Variants in ARHGAP35 observed in about 807,000 individuals in gnomAD.
The protein encoded by ARHGAP35 is rho GTPase-activating protein 35.
In ARHGAP35, 15 loss-of-function variants were observed where a neutral mutation model predicts 111.1. That is an observed-to-expected ratio of 0.13 (90% confidence interval 0.09 to 0.21). The LOEUF is 0.21. Ranked by LOEUF, ARHGAP35 falls within the 10% of genes least tolerant of loss-of-function variation. The probability of loss-of-function intolerance (pLI) is 1.00; values close to 1 mark genes in which losing one functional copy is unlikely to be tolerated. For missense variants in ARHGAP35, 1,262 were observed against 1,873.0 expected (o/e 0.67, Z 6.02); for synonymous variants, 643 against 710.3 (o/e 0.91, Z 1.51).
chr19:46,889,953 C>T (rs1599801203), intron 1 of ARHGAP35, among the ~76,000 whole-genome samples: 1 of 152,002 alleles, frequency 6.6e-6, no homozygotes, highest in African/African-American at 2.4e-5. Flanking sequence ...TTCTGTAGAC[C>T]CTTAAGGGGT....
At chr19:46,873,144 C>A (rs1198750035) in intron 1 of ARHGAP35, among the ~76,000 whole-genome samples, 2 of 152,060 alleles carry the variant, frequency 1.3e-5, no homozygotes, top group Non-Finnish European at 2.9e-5. Context: ...TTACAGTTTC[C>A]AGAGTGCTTT....
chr19:46,979,976 C>T (rs988712555), intron 3 of ARHGAP35, among the ~76,000 whole-genome samples: 1 of 152,118 alleles, frequency 6.6e-6, no homozygotes, highest in East Asian at 1.9e-4. Flanking sequence ...TGCGGGGACT[C>T]GTGTGATTTC....
At chr19:46,980,428 T>A (rs932562617) in intron 3 of ARHGAP35, among the ~76,000 whole-genome samples, 5 of 152,154 alleles carry the variant, frequency 3.3e-5, no homozygotes, top group African/African-American at 1.2e-4. Flanking sequence ...GACAGACTCA[T>A]TAATGATGTC....
intron 1 of ARHGAP35, among the ~76,000 whole-genome samples, chr19:46,883,883 C>T (rs943538200): frequency 2.0e-5 from 3 of 151,844 alleles, no homozygotes; most frequent in Non-Finnish European, 2.9e-5. Context: ...GGTGAAACCC[C>T]ATCTCTACTA....
rs552268199 is a variant in ARHGAP35, at chr19:46,905,112, G to C, written c.-188-13376G>C. Among the ~76,000 whole-genome samples the C allele has an allele frequency of 4.6e-5, 7 of 152,312 alleles. No homozygotes were observed. In the South Asian group the frequency reaches 1.2e-3, roughly 27 times the overall value. On this transcript the variant is annotated intron_variant, in intron 1 of 6. Transcript: ENST00000672722. ...AAAGGTTTAGGAGACAGATTACAAG[G>C]CTCTTTCTGATTCTTGTCTCCTGGC...
chr19:46,902,209 GACAT>G (rs1318315842), intron 1 of ARHGAP35, among the ~76,000 whole-genome samples: 2 of 152,174 alleles, frequency 1.3e-5, no homozygotes, highest in Non-Finnish European at 1.5e-5. Context: ...TCTGCCACCT[GACAT>G]GTTAGTTGGC....
intron 1 of ARHGAP35, among the ~76,000 whole-genome samples, chr19:46,889,168 A>C (rs1303826775): frequency 6.6e-6 from 1 of 151,818 alleles, no homozygotes; most frequent in Non-Finnish European, 1.5e-5. Flanking sequence ...AAAAATACAA[A>C]AAATTAGCCA....
intron 1 of ARHGAP35, among the ~76,000 whole-genome samples, chr19:46,911,295 T>G (rs1226827939): frequency 6.6e-6 from 1 of 152,228 alleles, no homozygotes; most frequent in Non-Finnish European, 1.5e-5. Context: ...TCCCAGGAAA[T>G]GGTCTATACC....
intron 3 of ARHGAP35, among the ~76,000 whole-genome samples, chr19:46,980,560 C>T (rs1181875946): frequency 6.6e-6 from 1 of 152,172 alleles, no homozygotes; most frequent in Non-Finnish European, 1.5e-5. Flanking sequence ...GTGTCAAAGC[C>T]ATGCATGTTT....
At chr19:46,984,735 G>A (rs778011035) in intron 3 of ARHGAP35, among the ~76,000 whole-genome samples, 1 of 152,182 alleles carries the variant, frequency 6.6e-6, no homozygotes, top group Non-Finnish European at 1.5e-5. Context: ...GTACGGCCTC[G>A]TGCTTTCCAG....
chr19:46,939,389 A>C (rs2056331297), intron 3 of ARHGAP35, among the ~76,000 whole-genome samples: 1 of 145,954 alleles, frequency 6.9e-6, no homozygotes, highest in Non-Finnish European at 1.5e-5. Flanking sequence ...TTATTTATTT[A>C]TTTATTTATT....
chr19:46,938,245 G>C (rs538902933), intron 3 of ARHGAP35, among the ~76,000 whole-genome samples: 1 of 152,278 alleles, frequency 6.6e-6, no homozygotes, highest in East Asian at 1.9e-4. Flanking sequence ...AGCCTACTAG[G>C]CTCTGCTGAT....
rs780121424 is a variant in ARHGAP35, at chr19:46,918,864, T to C, written c.189T>C (p.Phe63=). 1.9e-6 allele frequency: 3 copies of C among 1,613,988 alleles called. No homozygotes were observed. In the South Asian group the frequency reaches 3.3e-5, roughly 18 times the overall value. The change falls in exon 2 of 7, where the codon TTT becomes TTC. Residue 63 remains phenylalanine, a synonymous_variant. Coordinates refer to ENST00000672722, the MANE Select transcript of ARHGAP35 (RefSeq NM_004491.5). This position sits in a 1 kb window ranked among gnomAD's most constrained non-coding sequence, Gnocchi z 5.4. ...DHTSVLSTSD[F]GGRVVNNDHF... is the part of the protein sequence containing the mutation. ...CCTCCGTCCTCAGCACCAGTGACTT[T>C]GGAGGGCGAGTGGTCAATAATGACC...
chr19:46,938,440 G>A (rs543877233), intron 3 of ARHGAP35, among the ~76,000 whole-genome samples: 75 of 152,054 alleles, frequency 4.9e-4, no homozygotes, highest in Non-Finnish European at 8.5e-4. Context: ...TGCAACCTCC[G>A]CCTCCCAGGT....
chr19:46,995,981 C>T (rs921250665), intron 5 of ARHGAP35, among the ~76,000 whole-genome samples: 3 of 152,232 alleles, frequency 2.0e-5, no homozygotes, highest in Non-Finnish European at 2.9e-5. Context: ...CTCAGGAGCA[C>T]CTGGACCAGG....
Position 46,994,991 on chromosome 19 carries a change from C to T in ARHGAP35, c.4037-4313C>T, listed in dbSNP as rs2056699639. 6.6e-6 allele frequency among the ~76,000 whole-genome samples: 1 copy of T among 152,218 alleles called. No homozygotes were observed. The highest frequency in any genetic ancestry group is 1.5e-5 in the Non-Finnish European group (1 of 68,042). ...TGCCTCTGGGTCAGAGTCACCTCCT[C>T]CCTCGCTGAGGACTGTTGAGGGACC... On this transcript the variant is annotated intron_variant, in intron 5 of 6. Coordinates refer to ENST00000672722, the MANE Select transcript of ARHGAP35 (RefSeq NM_004491.5). This position sits in a 1 kb window ranked among gnomAD's most constrained non-coding sequence, Gnocchi z 5.4.
intron 1 of ARHGAP35, among the ~76,000 whole-genome samples, chr19:46,881,134 G>A (rs186004034): frequency 7.1e-4 from 108 of 152,112 alleles, no homozygotes; most frequent in African/African-American, 2.5e-3. Flanking sequence ...GAGTAGAGAT[G>A]GGGTTTCACC....
intron 1 of ARHGAP35, among the ~76,000 whole-genome samples, 162 bp downstream of exon 1, chr19:46,861,371 C>T (rs925614145): frequency 8.0e-5 from 12 of 149,482 alleles, no homozygotes; most frequent in Admixed American, 7.3e-4. Flanking sequence ...CGGGCCCCGC[C>T]GTCCCCGTCG....
intron 3 of ARHGAP35, among the ~76,000 whole-genome samples, chr19:46,950,103 A>G (rs1799620666): frequency 6.6e-6 from 1 of 152,220 alleles, no homozygotes; most frequent in African/African-American, 2.4e-5. Context: ...CTGGCATCCA[A>G]TGGTATGGAA....
Sources: gnomAD v4.1 joint callset for allele counts (sites outside exome capture counted in the v4.1 genomes callset) on GRCh38, gnomAD v4.1.1 for gene constraint, Gnocchi (gnomAD v3.1) non-coding constraint, MANE v1.5 for transcripts, NCBI Gene and HGNC (gene_info 2026-07-23, HGNC 2026-07-21) for gene names.